Variants in AGBL1 observed in about 807,000 individuals in gnomAD.
The protein encoded by AGBL1 is AGBL carboxypeptidase 1.
A neutral mutation model predicts 118.9 loss-of-function variants in AGBL1; 130 were observed. That is an observed-to-expected ratio of 1.09 (90% CI 0.95 to 1.26). The LOEUF (loss-of-function observed/expected upper bound fraction) is 1.26, where lower values mean the gene tolerates loss of function less well. AGBL1 is among the 50% of genes most tolerant of loss of function. The pLI, the probability that AGBL1 is intolerant of heterozygous loss-of-function variation, is 0.00. For missense variants in AGBL1, 1,584 were observed against 1,298.1 expected (o/e 1.22, Z -3.38); for synonymous variants, 555 against 478.9 (o/e 1.16, Z -2.08).
At chr15:86,871,854 A>T (rs541974717) in intron 22 of AGBL1, among the ~76,000 whole-genome samples, 1 of 152,298 alleles carries the variant, frequency 6.6e-6, no homozygotes, top group African/African-American at 2.4e-5. Flanking sequence ...ATCATCCCTC[A>T]AATGAAAATA....
intron 22 of AGBL1, among the ~76,000 whole-genome samples, chr15:86,686,140 G>T (rs1211104927): frequency 1.3e-5 from 2 of 152,098 alleles, no homozygotes; most frequent in African/African-American, 4.8e-5. Context: ...TCTCAGCAAA[G>T]GACATGCAAT....
intron 1 of AGBL1, among the ~76,000 whole-genome samples, chr15:86,119,921 T>C (rs1458875618): frequency 6.6e-6 from 1 of 152,192 alleles, no homozygotes; most frequent in Admixed American, 6.5e-5. Context: ...TAATCTGTTC[T>C]TAGCATCAAA....
chr15:86,214,506 GT>G (rs2078153272), intron 5 of AGBL1, among the ~76,000 whole-genome samples: 2 of 152,328 alleles, frequency 1.3e-5, no homozygotes, highest in South Asian at 4.1e-4. Context: ...CTTTTGAATT[GT>G]TTAAGGAAGT....
intron 18 of AGBL1, among the ~76,000 whole-genome samples, chr15:86,423,168 A>T (rs1320031000): frequency 6.6e-6 from 1 of 152,238 alleles, no homozygotes; most frequent in East Asian, 1.9e-4. Context: ...CCTGATGAAT[A>T]TCAATGTGAA....
chr15:86,442,588 C>T (rs1226286300), intron 18 of AGBL1, among the ~76,000 whole-genome samples: 2 of 152,196 alleles, frequency 1.3e-5, no homozygotes, highest in Non-Finnish European at 2.9e-5. Flanking sequence ...CTTTCTCTTC[C>T]TTCATTCAAT....
In AGBL1 at chr15:86,453,483, G is replaced by T. The variant is rs530315340; in HGVS notation, c.2555+55937G>T. On this transcript the variant is annotated intron_variant, in intron 18 of 22. Coordinates refer to ENST00000614907, the MANE Select transcript of AGBL1 (RefSeq NM_001386094.1). ...GAGAGCCCGAACACTTCTCCCTACA[G>T]CAATTCCGTACCCCTTTTCATAATA... is the stretch of plus-strand genomic sequence containing the variant. 1.2e-3 allele frequency among the ~76,000 whole-genome samples: 178 copies of T among 152,300 alleles called. 1 individual carries two copies. Among genetic ancestry groups the T allele is most frequent in the African/African-American group, 3.9e-3 (163 of 41,562 alleles).
intron 21 of AGBL1, among the ~76,000 whole-genome samples, chr15:86,610,247 A>T (rs1377048077): frequency 1.3e-5 from 2 of 152,174 alleles, no homozygotes; most frequent in Non-Finnish European, 2.9e-5. Context: ...TGTCACTACC[A>T]CCATACTGTT....
At chr15:86,599,318 A>G (rs1036302519) in intron 21 of AGBL1, among the ~76,000 whole-genome samples, 3 of 148,894 alleles carry the variant, frequency 2.0e-5, no homozygotes, top group African/African-American at 7.3e-5. Flanking sequence ...TGAATCATGT[A>G]ACTGAAGATG....
intron 22 of AGBL1, among the ~76,000 whole-genome samples, chr15:86,818,288 C>A (rs939434654): frequency 6.6e-6 from 1 of 152,234 alleles, no homozygotes; most frequent in East Asian, 1.9e-4. Context: ...CTGTTAGGAA[C>A]CAGGCCACAC....
At chr15:86,189,866 T>C (rs2077691953) in intron 5 of AGBL1, among the ~76,000 whole-genome samples, 4 of 152,220 alleles carry the variant, frequency 2.6e-5, no homozygotes, top group Admixed American at 2.6e-4. Flanking sequence ...AGAGAGCATG[T>C]ATATCACCTT....
chr15:86,805,972 C>T (rs1238990547), intron 22 of AGBL1, among the ~76,000 whole-genome samples: 1 of 152,074 alleles, frequency 6.6e-6, no homozygotes, highest in African/African-American at 2.4e-5. Context: ...GGGGTCTATG[C>T]TGATTTCAGG....
intron 24 of AGBL1, among the ~76,000 whole-genome samples, chr15:87,013,101 A>C (rs1055722915): frequency 5.9e-5 from 9 of 152,180 alleles, no homozygotes; most frequent in Admixed American, 5.2e-4. Context: ...TGAATTCCCA[A>C]GTAATTGCGG....
chr15:86,476,019 C>G (rs1231708043), intron 18 of AGBL1, among the ~76,000 whole-genome samples: 1 of 152,136 alleles, frequency 6.6e-6, no homozygotes, highest in African/African-American at 2.4e-5. Flanking sequence ...CCTTTACAGA[C>G]AAGCAAATGC....
chr15:86,372,716 C>T (rs563375547), intron 17 of AGBL1, among the ~76,000 whole-genome samples: 11 of 151,964 alleles, frequency 7.2e-5, no homozygotes, highest in Non-Finnish European at 1.5e-4. Context: ...CTGTTTCCAT[C>T]GGGGAGGTTG....
At chr15:86,820,347 G>A (rs931946732) in intron 22 of AGBL1, among the ~76,000 whole-genome samples, 1 of 152,144 alleles carries the variant, frequency 6.6e-6, no homozygotes, top group Non-Finnish European at 1.5e-5. Context: ...TCACCAGAGT[G>A]AACAGGCAAC....
At chr15:86,893,368 G>T (rs533885530) in intron 22 of AGBL1, among the ~76,000 whole-genome samples, 1 of 152,148 alleles carries the variant, frequency 6.6e-6, no homozygotes, top group South Asian at 2.1e-4. Context: ...GCAAAACTGC[G>T]TTTAAATCAC....
At chr15:86,177,872 A>C (rs1027328242) in intron 5 of AGBL1, among the ~76,000 whole-genome samples, 1 of 152,206 alleles carries the variant, frequency 6.6e-6, no homozygotes, top group Non-Finnish European at 1.5e-5. Flanking sequence ...CTTCCACCAT[A>C]AGAAAGGATA....
chr15:86,488,410 C>T (rs1316888751), intron 18 of AGBL1, among the ~76,000 whole-genome samples: 1 of 151,762 alleles, frequency 6.6e-6, no homozygotes, highest in Non-Finnish European at 1.5e-5. Flanking sequence ...TGACCCAGCT[C>T]CAGTCTTGTA....
intron 18 of AGBL1, 144 bp from the exon 19 acceptor site, chr15:86,522,666 G>C: frequency 7.8e-6 from 8 of 1,022,048 alleles, no homozygotes; most frequent in Non-Finnish European, 1.1e-5. Flanking sequence ...CAGCTTTCTA[G>C]ACATCTGAAA....
Sources: allele counts gnomAD v4.1 joint callset (sites outside exome capture counted in the v4.1 genomes callset), GRCh38; gene constraint gnomAD v4.1.1; transcripts MANE v1.5; gene names NCBI Gene and HGNC (gene_info 2026-07-23, HGNC 2026-07-21).